Variants in TTBK1 observed in about 807,000 individuals in gnomAD.
TTBK1 encodes tau tubulin kinase 1.
TTBK1 carries 34 observed loss-of-function variants against 108.5 expected under a neutral mutation model. The ratio of observed to expected loss-of-function variants is 0.31; its 90% CI spans 0.24 to 0.42. The LOEUF (loss-of-function observed/expected upper bound fraction) is 0.42. TTBK1 is among the 10% of genes least tolerant of loss of function. The pLI is 1.00. For synonymous variants in TTBK1, 809 were observed against 795.1 expected (o/e 1.02, Z -0.29); for missense variants, 1,539 against 1,826.0 (o/e 0.84, Z 2.86).
In TTBK1 at chr6:43,259,438, T is replaced by C. The variant is rs1777472278; in HGVS notation, c.1249-93T>C. 6.4e-6 allele frequency: 9 copies of C among 1,398,388 alleles called. No individual in the cohort carries two copies. Among genetic ancestry groups the C allele is most frequent in the Non-Finnish European group, 7.7e-6 (8 of 1,041,978 alleles). The allele number at this position is 1,398,388 out of a possible 1,614,324, so 86.6% of individuals were successfully genotyped here. ...CGCACTAGCCTCGCTGTGTCTTCCATCATCATCATCCTCTGTCTCCTTCAC... is the reference window on the plus strand; with the variant it reads ...CGCACTAGCCTCGCTGTGTCTTCCACCATCATCATCCTCTGTCTCCTTCAC... On this transcript the variant is annotated intron_variant, in intron 11 of 14. Transcript: ENST00000259750. The surrounding 1 kb of genome is among the most constrained non-coding windows in gnomAD (Gnocchi z 6.7).
In TTBK1 at chr6:43,265,099, G is replaced by C. The variant is rs1283923661; in HGVS notation, c.1986+1749G>C. On this transcript the variant is annotated intron_variant, in intron 13 of 14. Transcript: ENST00000259750. This position sits in a 1 kb window ranked among gnomAD's most constrained non-coding sequence, Gnocchi z 4.1. ...GGGAAATGGAGGAAAACTCCAAATGGGGTCCATGAACCCACAGAGGGGCTG... is the reference window on the plus strand; with the variant it reads ...GGGAAATGGAGGAAAACTCCAAATGCGGTCCATGAACCCACAGAGGGGCTG... 1.3e-5 allele frequency among the ~76,000 whole-genome samples: 2 copies of C among 152,232 alleles called. No homozygotes were observed. Among genetic ancestry groups the C allele is most frequent in the Non-Finnish European group, 2.9e-5 (2 of 68,040 alleles).
intron 12 of TTBK1, among the ~76,000 whole-genome samples, chr6:43,261,742 G>C (rs538573874): frequency 2.2e-4 from 33 of 151,800 alleles, no homozygotes; most frequent in African/African-American, 7.3e-4. Context: ...TTGAACCTGG[G>C]GGGTGGAGGT....
chr6:43,276,213 C>A lies in TTBK1; in HGVS notation c.1987-6514C>A, dbSNP rs1357192368. Among the ~76,000 whole-genome samples, 3 of 152,172 alleles carry A rather than the reference C, an allele frequency of 2.0e-5. No individual in the cohort carries two copies. Among genetic ancestry groups the A allele is most frequent in the Non-Finnish European group, 4.4e-5 (3 of 68,038 alleles). On this transcript the variant is annotated intron_variant, in intron 13 of 14. Transcript: ENST00000259750. This position sits in a 1 kb window ranked among gnomAD's most constrained non-coding sequence, Gnocchi z 5.4. The stretch of plus-strand genomic sequence containing the variant: ...GCAATAATACTGTATTATACGCTTG[C>A]ACTATTTCCCGACCCTGGCCAGCGG...
chr6:43,258,671 A>G (rs1045938029), intron 10 of TTBK1, among the ~76,000 whole-genome samples: 1 of 152,248 alleles, frequency 6.6e-6, no homozygotes, highest in South Asian at 2.1e-4. Flanking sequence ...ATAATAAAAG[A>G]AAACTAAATT....
chr6:43,278,805 T>C (rs1778074524), intron 13 of TTBK1, among the ~76,000 whole-genome samples: 1 of 152,108 alleles, frequency 6.6e-6, no homozygotes, highest in African/African-American at 2.4e-5. Context: ...AGGGAGGAAT[T>C]TGAGCCCAGC....
At position 43,265,855 on chromosome 6, in the gene TTBK1, G is replaced by A. The variant is rs1224582101; in HGVS notation, c.1986+2505G>A. The stretch of plus-strand genomic sequence containing the variant: ...GAGGGCCAGTCAGTGTCCCTTTCTG[G>A]GTCTCCAGGTGAGGGAGCTGAGGTT... On this transcript the variant is annotated intron_variant, in intron 13 of 14. Coordinates refer to ENST00000259750, the MANE Select transcript of TTBK1 (RefSeq NM_032538.3). This position sits in a 1 kb window ranked among gnomAD's most constrained non-coding sequence, Gnocchi z 4.1. Among the ~76,000 whole-genome samples the A allele has an allele frequency of 6.6e-6, 1 of 152,034 alleles. No individual in the cohort carries two copies. The highest frequency in any genetic ancestry group is 2.4e-5 in the African/African-American group (1 of 41,378).
At chr6:43,247,371 G>C (rs974893134) in intron 2 of TTBK1, among the ~76,000 whole-genome samples, 5 of 152,166 alleles carry the variant, frequency 3.3e-5, no homozygotes, top group Admixed American at 6.5e-5. Context: ...CAGCCTCCTC[G>C]GGAGCCGGGC....
intron 13 of TTBK1, among the ~76,000 whole-genome samples, chr6:43,268,909 T>G (rs1297649353): frequency 6.6e-6 from 1 of 152,226 alleles, no homozygotes; most frequent in East Asian, 1.9e-4. Context: ...CAGCATTTAC[T>G]CCATGGCGGG....
Position 43,284,864 on chromosome 6 carries a change from C to G in TTBK1, c.3573-119C>G. 2.9e-6 allele frequency: 4 copies of G among 1,372,326 alleles called. No individual in the cohort carries two copies. In the South Asian group the frequency reaches 5.0e-5, roughly 17 times the overall value. The allele number at this position is 1,372,326 out of a possible 1,614,324, so 85.0% of individuals were successfully genotyped here. ...AGTTTACCCATCTGTGCCATGGTCTCAGTCTCAGCTCTGAGGATGCCGGAC... is the reference window on the plus strand; with the variant it reads ...AGTTTACCCATCTGTGCCATGGTCTGAGTCTCAGCTCTGAGGATGCCGGAC... On this transcript the variant is annotated intron_variant, in intron 14 of 14. Transcript: ENST00000259750.
In TTBK1 at chr6:43,259,145, C is replaced by G; in HGVS notation, c.1124C>G (p.Pro375Arg). ...CAGGAGAATGCACCCCCAATTCTGCCCGGGAGGCCCTCTGAGGGGCTGGGC... is the reference window on the plus strand; with the variant it reads ...CAGGAGAATGCACCCCCAATTCTGCGCGGGAGGCCCTCTGAGGGGCTGGGC... ...SDQENAPPIL[P>R]GRPSEGLGPS... The change falls in exon 11 of 15, where the codon CCC (proline) becomes CGC (arginine). Residue 375 changes from proline (P) to arginine (R), a missense_variant. Pro to Arg is a moderately radical substitution (Grantham distance 103). This residue lies in a region of TTBK1 where 277 missense variants were observed against 332.4 expected (regional missense o/e 0.83). Transcript: ENST00000259750. This position sits in a 1 kb window ranked among gnomAD's most constrained non-coding sequence, Gnocchi z 6.7. 1 of 1,614,020 alleles carries G rather than the reference C, an allele frequency of 6.2e-7. No individual in the cohort carries two copies. The highest frequency in any genetic ancestry group is 8.5e-7 in the Non-Finnish European group (1 of 1,179,924).
At chr6:43,274,316 A>C (rs921006157) in intron 13 of TTBK1, among the ~76,000 whole-genome samples, 1 of 152,184 alleles carries the variant, frequency 6.6e-6, no homozygotes, top group Non-Finnish European at 1.5e-5. Flanking sequence ...CCTCTGAGCC[A>C]TGCTGGTCCC....
At position 43,257,739 on chromosome 6, in the gene TTBK1, C is replaced by T. The variant is rs1183951825; in HGVS notation, c.862-73C>T. The T allele has an allele frequency of 7.9e-6, 12 of 1,514,928 alleles. No homozygotes were observed. Among genetic ancestry groups the T allele is most frequent in the African/African-American group, 1.4e-5 (1 of 72,810 alleles). The allele number at this position is 1,514,928 out of a possible 1,614,324, so 93.8% of individuals were successfully genotyped here. A position where few individuals can be genotyped will look rare whatever the true frequency, so the allele number is the denominator to read the frequency against. On this transcript the variant is annotated intron_variant, in intron 9 of 14. Transcript: ENST00000259750. This position sits in a 1 kb window ranked among gnomAD's most constrained non-coding sequence, Gnocchi z 4.5. ...AGTCCCTGTCTTCCTCCTATGATCC[C>T]AGCAACTGCCCCTTCCTCCTGGCTA... is the stretch of plus-strand genomic sequence containing the variant.
In TTBK1 at chr6:43,255,655, G is replaced by A. The variant is rs1777362344; in HGVS notation, c.735+11G>A. On this transcript the variant is annotated intron_variant, in intron 8 of 14. Transcript: ENST00000259750. ...AAGATCAAGGACAAGGTGAGCCCCA[G>A]GCAGCTGGGTCTGAGGTGGCAGAAG... 6.2e-7 allele frequency: 1 copy of A among 1,614,132 alleles called. No individual in the cohort carries two copies. The highest frequency in any genetic ancestry group is 1.3e-5 in the African/African-American group (1 of 75,022).
intron 14 of TTBK1, 120 bp from the exon 15 acceptor site, chr6:43,284,863 T>C: frequency 7.3e-7 from 1 of 1,370,714 alleles, no homozygotes; most frequent in Non-Finnish European, 9.4e-7. Context: ...TGCCATGGTC[T>C]CAGTCTCAGC....
chr6:43,253,199 C>G lies in TTBK1; in HGVS notation c.257-92C>G, dbSNP rs1777291574. 1 of 1,392,830 alleles carries G rather than the reference C, an allele frequency of 7.2e-7. No homozygotes were observed. Among genetic ancestry groups the G allele is most frequent in the South Asian group, 1.2e-5 (1 of 86,448 alleles). The allele number at this position is 1,392,830 out of a possible 1,614,324, so 86.3% of individuals were successfully genotyped here. A position where few individuals can be genotyped will look rare whatever the true frequency, so the allele number is the denominator to read the frequency against. On this transcript the variant is annotated intron_variant, in intron 3 of 14. Coordinates refer to ENST00000259750, the MANE Select transcript of TTBK1 (RefSeq NM_032538.3). The surrounding 1 kb of genome is among the most constrained non-coding windows in gnomAD (Gnocchi z 5.8). ...GCTCACAGGGCCAGCACTGGAGGGA[C>G]CAGGAATCAAGAGTGCACTAGGAAC... is the stretch of plus-strand genomic sequence containing the variant.
chr6:43,268,552 G>A (rs1777740902), intron 13 of TTBK1, among the ~76,000 whole-genome samples: 1 of 152,204 alleles, frequency 6.6e-6, no homozygotes, highest in South Asian at 2.1e-4. Context: ...CCTTGCTGCT[G>A]CTGTAAAAGC....
chr6:43,279,485 T>A (rs1778092784), intron 13 of TTBK1, among the ~76,000 whole-genome samples: 1 of 152,084 alleles, frequency 6.6e-6, no homozygotes, highest in Admixed American at 6.5e-5. Flanking sequence ...GAGCTCTCTG[T>A]CTGTCTACCT....
In TTBK1 at chr6:43,255,550, A is replaced by G; in HGVS notation, c.643-2A>G. 1 of 1,599,076 alleles carries G rather than the reference A, an allele frequency of 6.3e-7. No individual in the cohort carries two copies. Among genetic ancestry groups the G allele is most frequent in the Non-Finnish European group, 8.5e-7 (1 of 1,172,790 alleles). ...CAGGTGACTCCCTCCCCCCACCTCC[A>G]GGAGATGGGCCGCCACGACGACCTG... is the stretch of plus-strand genomic sequence containing the variant. On this transcript the variant is annotated splice_acceptor_variant, in intron 7 of 14. Transcript: ENST00000259750. LOFTEE classifies it high-confidence loss of function.
chr6:43,262,738 T>G (rs1480024097), intron 12 of TTBK1, 51 bp from the exon 13 acceptor site: 1 of 1,467,766 alleles, frequency 6.8e-7, no homozygotes, highest in Non-Finnish European at 9.0e-7. Context: ...GTGGGGTCCT[T>G]GGGGGTCCAG....
Sources: gnomAD v4.1 joint callset for allele counts (sites outside exome capture counted in the v4.1 genomes callset) on GRCh38, gnomAD v4.1.1 for gene constraint, gnomAD v4.1.1 regional missense constraint, Gnocchi (gnomAD v3.1) non-coding constraint, MANE v1.5 for transcripts, NCBI Gene and HGNC (gene_info 2026-07-23, HGNC 2026-07-21) for gene names.